PCDHGA7: variants seen among roughly 807,000 people sequenced by gnomAD.
PCDHGA7 encodes protocadherin gamma subfamily A, 7.
PCDHGA7 carries 44 observed loss-of-function variants against 58.3 expected under a neutral mutation model. The ratio of observed to expected loss-of-function variants is 0.75; its 90% CI spans 0.59 to 0.97. The LOEUF (loss-of-function observed/expected upper bound fraction) is 0.97. Ranked by LOEUF, PCDHGA7 falls within the 50% of genes least tolerant of loss-of-function variation. The pLI, the probability that PCDHGA7 is intolerant of heterozygous loss-of-function variation, is 0.00. For synonymous variants in PCDHGA7, 516 were observed against 504.2 expected (o/e 1.02, Z -0.31); for missense variants, 1,266 against 1,188.7 (o/e 1.06, Z -0.96).
chr5:141,432,400 G>A lies in PCDHGA7; in HGVS notation c.2424+47077G>A, dbSNP rs139153105. ...ACCCGCCCCTCAGCAGCAACGTGTC[G>A]TTGAGCCTGTTCGTGCTGGACCAGA... On this transcript the variant is annotated intron_variant, in intron 1 of 3. Transcript: ENST00000518325. The surrounding 1 kb of genome is among the most constrained non-coding windows in gnomAD (Gnocchi z 6.0). 5.6e-6 allele frequency: 9 copies of A among 1,614,122 alleles called. No homozygotes were observed. In the East Asian group the frequency reaches 6.7e-5, roughly 12 times the overall value.
chr5:141,509,068 G>T (rs1267011061), intron 3 of PCDHGA7, among the ~76,000 whole-genome samples: 1 of 152,144 alleles, frequency 6.6e-6, no homozygotes, highest in Non-Finnish European at 1.5e-5. Context: ...TCTCAGCTCC[G>T]GGGATTTGCG....
chr5:141,390,416 T>A, intron 1 of PCDHGA7: 2 of 1,124,674 alleles, frequency 1.8e-6, no homozygotes, highest in Non-Finnish European at 2.5e-6. Context: ...TGTAGTCAGT[T>A]AAAAAGCTGT....
At chr5:141,492,659 T>C (rs2099742881) in intron 1 of PCDHGA7, among the ~76,000 whole-genome samples, 1 of 152,182 alleles carries the variant, frequency 6.6e-6, no homozygotes, top group Non-Finnish European at 1.5e-5. Context: ...GTCCGGATGG[T>C]CCCGGGACTC....
chr5:141,446,260 TA>T (rs1207497940), intron 1 of PCDHGA7, among the ~76,000 whole-genome samples: 4 of 152,130 alleles, frequency 2.6e-5, no homozygotes, highest in Non-Finnish European at 4.4e-5. Context: ...GAAATATTAT[TA>T]ACTGAATAAA....
At position 141,419,393 on chromosome 5, in the gene PCDHGA7, G is replaced by A. The variant is rs1226844501; in HGVS notation, c.2424+34070G>A. On this transcript the variant is annotated intron_variant, in intron 1 of 3. Transcript: ENST00000518325. The stretch of plus-strand genomic sequence containing the variant: ...CTACGTGTCCGTGAGCGCGCAGAGC[G>A]GGGTGGTGTTCGCGCAGCGCGCCTT... 6.2e-7 allele frequency: 1 copy of A among 1,613,502 alleles called. No homozygotes were observed. Among genetic ancestry groups the A allele is most frequent in the Non-Finnish European group, 8.5e-7 (1 of 1,179,920 alleles).
intron 3 of PCDHGA7, among the ~76,000 whole-genome samples, chr5:141,509,518 T>A (rs1441963133): frequency 6.6e-6 from 1 of 152,170 alleles, no homozygotes; most frequent in Non-Finnish European, 1.5e-5. Context: ...GTTGATGATG[T>A]ATTGCACAGG....
intron 1 of PCDHGA7, among the ~76,000 whole-genome samples, chr5:141,492,165 C>T (rs932762928): frequency 1.4e-4 from 22 of 152,210 alleles, no homozygotes; most frequent in African/African-American, 4.8e-4. Context: ...TCCCTATCCC[C>T]GCATCACCCA....
At chr5:141,422,503 A>G (rs2096653107) in intron 1 of PCDHGA7, 2 of 1,613,924 alleles carry the variant, frequency 1.2e-6, no homozygotes, top group Non-Finnish European at 1.7e-6. Context: ...GTTGACAGCC[A>G]CAGACCAGGG....
intron 1 of PCDHGA7, among the ~76,000 whole-genome samples, chr5:141,484,740 GA>G (rs1047805396): frequency 6.6e-6 from 1 of 150,760 alleles, no homozygotes; most frequent in Non-Finnish European, 1.5e-5. Context: ...GGTGTGTTAG[GA>G]AAAAAAATGT....
rs1207371456 is a variant in PCDHGA7 at position 141,487,371 on chromosome 5, G to A, written c.2425-7436G>A. On this transcript the variant is annotated intron_variant, in intron 1 of 3. Transcript: ENST00000518325. The surrounding 1 kb of genome is among the most constrained non-coding windows in gnomAD (Gnocchi z 5.0). ...TGCTTTCCTGCTGGCACCTGTGCCT[G>A]TCTCACCAGATCTCGAAGGAGGGAG... The A allele has an allele frequency of 4.3e-6, 7 of 1,614,076 alleles. No individual in the cohort carries two copies. In the Admixed American group the frequency reaches 5.0e-5, roughly 12 times the overall value.
In PCDHGA7 at chr5:141,494,886, C is replaced by T. The variant is rs1212594477; in HGVS notation, c.2483+21C>T. ...AGCGGGTAGGTGACTGATTCTCCAG[C>T]CCACCCTCTTCTCTGCGGCATTTTC... On this transcript the variant is annotated intron_variant, in intron 2 of 3. Coordinates refer to ENST00000518325, the MANE Select transcript of PCDHGA7 (RefSeq NM_018920.4). 8 of 1,614,010 alleles carry T rather than the reference C, an allele frequency of 5.0e-6. No homozygotes were observed. The Admixed American group carries it at 8.3e-5, about 17-fold the overall frequency.
rs1362252002 is a variant in PCDHGA7, at chr5:141,486,112, G to C, written c.2425-8695G>C. ...TGGGGCCCCTAGACTTTGAGAGTGA[G>C]AATTACTATGAATTTGATGTGCGGG... On this transcript the variant is annotated intron_variant, in intron 1 of 3. Coordinates refer to ENST00000518325, the MANE Select transcript of PCDHGA7 (RefSeq NM_018920.4). The surrounding 1 kb of genome is among the most constrained non-coding windows in gnomAD (Gnocchi z 5.0). 6 of 1,614,166 alleles carry C rather than the reference G, an allele frequency of 3.7e-6. No individual in the cohort carries two copies. The highest frequency in any genetic ancestry group is 1.7e-6 in the Non-Finnish European group (2 of 1,180,024).
intron 1 of PCDHGA7, chr5:141,478,247 G>A (rs1377698933): frequency 1.2e-6 from 2 of 1,614,074 alleles, no homozygotes; most frequent in Admixed American, 3.3e-5. Context: ...CACAGTGTTC[G>A]GAGTAATCAT....
At chr5:141,415,503 G>A (rs1354902623) in intron 1 of PCDHGA7, 1 of 1,614,212 alleles carries the variant, frequency 6.2e-7, no homozygotes. Flanking sequence ...TCTTCCCCCA[G>A]CCCAATTATG....
intron 1 of PCDHGA7, chr5:141,387,869 G>A (rs772536133): frequency 6.3e-7 from 1 of 1,590,306 alleles, no homozygotes; most frequent in Non-Finnish European, 8.5e-7. Context: ...TGAGCAAGCT[G>A]AGGAGAGCAA....
intron 1 of PCDHGA7, chr5:141,394,190 G>T (rs1370592594): frequency 1.2e-6 from 2 of 1,613,684 alleles, no homozygotes; most frequent in Non-Finnish European, 1.7e-6. Flanking sequence ...CCTACTCAGC[G>T]TATATCCTAG....
chr5:141,491,080 A>T lies in PCDHGA7; in HGVS notation c.2425-3727A>T. On this transcript the variant is annotated intron_variant, in intron 1 of 3. Transcript: ENST00000518325. This position sits in a 1 kb window ranked among gnomAD's most constrained non-coding sequence, Gnocchi z 6.9. ...CTCCTACTCACTGTTGCCACAGTCC[A>T]CAGCCCCAGGACTGTTCCTCGTGTC... The T allele has an allele frequency of 6.2e-7, 1 of 1,614,116 alleles. No individual in the cohort carries two copies. Among genetic ancestry groups the T allele is most frequent in the Non-Finnish European group, 8.5e-7 (1 of 1,179,994 alleles).
intron 1 of PCDHGA7, among the ~76,000 whole-genome samples, chr5:141,458,921 C>CG (rs2098956905): frequency 6.6e-6 from 1 of 151,960 alleles, no homozygotes; most frequent in African/African-American, 2.4e-5. Flanking sequence ...TTTGTGGAGA[C>CG]GGGGTCTCAC....
Position 141,384,886 on chromosome 5 carries a change from G to A in PCDHGA7, c.1987G>A (p.Ala663Thr). The change falls in exon 1 of 4, where the codon GCT (alanine) becomes ACT (threonine). Residue 663 changes from alanine to threonine, a missense_variant. Transcript: ENST00000518325. ...GTCAGCCACCGTCACACTCACCGTG[G>A]CTGTGGCTGACAGCATCCCCGAAGT... is the stretch of plus-strand genomic sequence containing the variant. Reference protein sequence around the residue: ...PLSATVTLTVAVADSIPEVLA... With the variant: ...PLSATVTLTVTVADSIPEVLA... 6.2e-7 allele frequency: 1 copy of A among 1,613,822 alleles called. No homozygotes were observed.
Sources: gnomAD v4.1 joint callset for allele counts (sites outside exome capture counted in the v4.1 genomes callset) on GRCh38, gnomAD v4.1.1 for gene constraint, Gnocchi (gnomAD v3.1) non-coding constraint, MANE v1.5 for transcripts, NCBI Gene and HGNC (gene_info 2026-07-23, HGNC 2026-07-21) for gene names.